Variants in PLD5 observed in about 807,000 individuals in gnomAD.
The protein encoded by PLD5 is inactive phospholipase D5.
Under a neutral mutation model 61.1 loss-of-function variants are expected in PLD5, and 36 were observed. The observed-to-expected ratio is 0.59, with a 90% CI of 0.45 to 0.78. The LOEUF (loss-of-function observed/expected upper bound fraction) is 0.78, where lower values mean the gene tolerates loss of function less well. Among genes scored for constraint, PLD5 ranks in the 30% least tolerant of loss-of-function variants. PLD5 has a pLI of 0.00. For synonymous variants in PLD5, 243 were observed against 242.8 expected (o/e 1.00, Z -0.01); for missense variants, 515 against 644.4 (o/e 0.80, Z 2.17).
At chr1:242,254,631 T>C (rs2257328) in intron 4 of PLD5, among the ~76,000 whole-genome samples, 100,896 of 151,756 alleles carry the variant, frequency 0.66, 34,486 homozygotes, top group Non-Finnish European at 0.74. Context: ...TATCACACCA[T>C]TGCCCTCCAG....
intron 2 of PLD5, among the ~76,000 whole-genome samples, chr1:242,345,389 G>A (rs1660072845): frequency 6.6e-6 from 1 of 152,216 alleles, no homozygotes. Flanking sequence ...GTTGCTTGCT[G>A]GCAGGTAGGT....
intron 1 of PLD5, among the ~76,000 whole-genome samples, chr1:242,350,879 C>G (rs1422060128): frequency 2.0e-5 from 3 of 150,808 alleles, no homozygotes; most frequent in Non-Finnish European, 3.0e-5. Flanking sequence ...ATCTGTAAGA[C>G]ATGGATTCTG....
chr1:242,297,318 C>T lies in PLD5; in HGVS notation c.327-8788G>A, dbSNP rs190918571. 3.0e-3 allele frequency among the ~76,000 whole-genome samples: 401 copies of T among 135,170 alleles called. 1 individual carries two copies. Among genetic ancestry groups the T allele is most frequent in the Non-Finnish European group, 4.3e-3 (282 of 65,202 alleles). The allele number at this position is 135,170 out of a possible 152,430, so 88.7% of individuals were successfully genotyped here. On this transcript the variant is annotated intron_variant, in intron 2 of 9. Transcript: ENST00000536534. ...AAGAGCGTGACACTGCACTCCAGCC[C>T]GGGTGACAGAGTGAGACTCCTTCTC...
chr1:242,159,179 T>A (rs1574417223), intron 5 of PLD5, among the ~76,000 whole-genome samples: 1 of 152,300 alleles, frequency 6.6e-6, no homozygotes, highest in South Asian at 2.1e-4. Flanking sequence ...GCAAATTTTT[T>A]TATGCTTGAT....
intron 1 of PLD5, among the ~76,000 whole-genome samples, chr1:242,477,498 A>G (rs2102957424): frequency 1.3e-5 from 2 of 152,298 alleles, no homozygotes; most frequent in South Asian, 4.1e-4. Flanking sequence ...AACTTTGGGG[A>G]AGCACATTAT....
intron 1 of PLD5, among the ~76,000 whole-genome samples, chr1:242,395,171 A>G (rs1350732999): frequency 2.0e-5 from 3 of 151,016 alleles, no homozygotes; most frequent in Admixed American, 1.3e-4. Context: ...ATTTTTAAAA[A>G]TGTACTAAAA....
intron 1 of PLD5, among the ~76,000 whole-genome samples, chr1:242,351,433 TG>T (rs2149224358): frequency 6.6e-6 from 1 of 152,286 alleles, no homozygotes; most frequent in African/African-American, 2.4e-5. Flanking sequence ...AATTGAATCA[TG>T]GGGGTCGGTT....
intron 5 of PLD5, among the ~76,000 whole-genome samples, chr1:242,171,176 C>G (rs576104090): frequency 6.6e-6 from 1 of 152,328 alleles, no homozygotes; most frequent in African/African-American, 2.4e-5. Flanking sequence ...GCTCATCAGA[C>G]TAACAGTAGA....
rs925891449 is a variant in PLD5, at chr1:242,348,028, C to G, written c.326+78G>C. On this transcript the variant is annotated intron_variant, in intron 2 of 9. Transcript: ENST00000536534. ...GGATGACTACGTGTGTTTATGTATT[C>G]TCTTCTCCATTGTTCAAGGCCCTCT... 24 of 1,539,518 alleles carry G rather than the reference C, an allele frequency of 1.6e-5. No homozygotes were observed. The African/African-American group carries it at 3.0e-4, about 19-fold the overall frequency.
intron 1 of PLD5, among the ~76,000 whole-genome samples, chr1:242,373,874 G>A (rs893549907): frequency 7.2e-5 from 11 of 152,024 alleles, no homozygotes; most frequent in Admixed American, 2.6e-4. Context: ...TGTAAATGAC[G>A]AGTTAATGTG....
chr1:242,353,135 C>T (rs567719071), intron 1 of PLD5, among the ~76,000 whole-genome samples: 1 of 152,034 alleles, frequency 6.6e-6, no homozygotes, highest in African/African-American at 2.4e-5. Flanking sequence ...TAGCTCTTCC[C>T]CTGTTTTAGT....
At chr1:242,494,823 C>T (rs1043818685) in intron 1 of PLD5, among the ~76,000 whole-genome samples, 4 of 150,538 alleles carry the variant, frequency 2.7e-5, no homozygotes, top group Non-Finnish European at 5.9e-5. Flanking sequence ...TTCTGCAAAA[C>T]TTTAGTGGGC....
At chr1:242,295,351 AC>A (rs1675596101) in intron 2 of PLD5, among the ~76,000 whole-genome samples, 2 of 152,084 alleles carry the variant, frequency 1.3e-5, no homozygotes, top group South Asian at 4.1e-4. Context: ...TGCCTTGGAT[AC>A]CCATTGTTTA....
At chr1:242,200,507 A>C (rs2148954542) in intron 5 of PLD5, among the ~76,000 whole-genome samples, 1 of 152,278 alleles carries the variant, frequency 6.6e-6, no homozygotes, top group South Asian at 2.1e-4. Flanking sequence ...ATTCCAGTTA[A>C]AGAAGGCTCT....
intron 2 of PLD5, among the ~76,000 whole-genome samples, chr1:242,302,170 T>C (rs1050760451): frequency 1.4e-4 from 21 of 152,214 alleles, no homozygotes; most frequent in Non-Finnish European, 2.6e-4. Flanking sequence ...GACAGTAACA[T>C]GCTGTGCAGG....
chr1:242,352,322 T>C (rs371423575), intron 1 of PLD5, among the ~76,000 whole-genome samples: 27 of 152,350 alleles, frequency 1.8e-4, no homozygotes, highest in African/African-American at 6.0e-4. Context: ...CCTTTCTGTG[T>C]TTGGCTTATC....
At chr1:242,130,690 T>C (rs571342912) in intron 5 of PLD5, among the ~76,000 whole-genome samples, 19 of 152,292 alleles carry the variant, frequency 1.2e-4, no homozygotes, top group Admixed American at 4.6e-4. Context: ...TGCTCAGCCC[T>C]GTCCAGCCTC....
At chr1:242,273,241 G>C (rs573654699) in intron 3 of PLD5, among the ~76,000 whole-genome samples, 110 of 151,844 alleles carry the variant, frequency 7.2e-4, no homozygotes, top group Admixed American at 1.2e-3. Flanking sequence ...CCATGTCCCT[G>C]CAAAGGACAT....
At chr1:242,508,243 G>A (rs1668792102) in intron 1 of PLD5, among the ~76,000 whole-genome samples, 1 of 151,914 alleles carries the variant, frequency 6.6e-6, no homozygotes, top group Non-Finnish European at 1.5e-5. Context: ...CATGGTGGTG[G>A]GCACCTGTAA....
Sources: gnomAD v4.1 joint callset for allele counts (sites outside exome capture counted in the v4.1 genomes callset) on GRCh38, gnomAD v4.1.1 for gene constraint, MANE v1.5 for transcripts, NCBI Gene and HGNC (gene_info 2026-07-23, HGNC 2026-07-21) for gene names.